The following ZSCAN32 variants were observed in gnomAD, a reference collection of about 807,000 sequenced individuals.
ZSCAN32 encodes zinc finger and SCAN domain-containing protein 32.
In ZSCAN32, 52 loss-of-function variants were observed where a neutral mutation model predicts 47.4. The observed-to-expected ratio is 1.10, with a 90% CI of 0.88 to 1.38. The LOEUF is 1.38. Among genes scored for constraint, ZSCAN32 ranks in the 40% most tolerant of loss-of-function variants. ZSCAN32 has a pLI of 0.00. For missense variants in ZSCAN32, 959 were observed against 846.0 expected (o/e 1.13, Z -1.66); for synonymous variants, 346 against 305.7 (o/e 1.13, Z -1.38).
At chr16:3,395,011 T>C (rs2033232618) in intron 2 of ZSCAN32, among the ~76,000 whole-genome samples, 1 of 152,208 alleles carries the variant, frequency 6.6e-6, no homozygotes, top group Non-Finnish European at 1.5e-5. Flanking sequence ...ATCTTTATGG[T>C]TTACTTTTGA....
chr16:3,383,808 A>C, intron 6 of ZSCAN32, 97 bp from the exon 7 acceptor site: 2 of 1,250,528 alleles, frequency 1.6e-6, no homozygotes, highest in Non-Finnish European at 2.1e-6. Flanking sequence ...GAAATATCTA[A>C]TTGAAATTCT....
At chr16:3,388,824 G>A (rs1009336653) in intron 5 of ZSCAN32, among the ~76,000 whole-genome samples, 1 of 152,156 alleles carries the variant, frequency 6.6e-6, no homozygotes, top group Admixed American at 6.6e-5. Context: ...ATGAAGACTG[G>A]TGTCTGCAAA....
chr16:3,400,381 C>T (rs1225123103), intron 1 of ZSCAN32, among the ~76,000 whole-genome samples: 1 of 152,160 alleles, frequency 6.6e-6, no homozygotes, highest in Non-Finnish European at 1.5e-5. Context: ...TCATCCTGTG[C>T]CTTACCTGGC....
Position 3,397,668 on chromosome 16 carries a change from T to A in ZSCAN32, c.-111A>T. On this transcript the variant is annotated 5_prime_UTR_variant, in exon 2 of 7. Transcript: ENST00000396852. ...TTCTCCTGCAAGGAATGTCTTTCTG[T>A]AATCCGTGGGACATGAGAGTGTCAG... 1 of 1,374,008 alleles carries A rather than the reference T, an allele frequency of 7.3e-7. No individual in the cohort carries two copies. Among genetic ancestry groups the A allele is most frequent in the Non-Finnish European group, 9.6e-7 (1 of 1,040,744 alleles). 85.1% of individuals were successfully genotyped at this position (1,374,008 alleles called of 1,614,324 possible). A position where few individuals can be genotyped will look rare whatever the true frequency, so the allele number is the denominator to read the frequency against.
chr16:3,388,750 A>G (rs1368163277), intron 5 of ZSCAN32, among the ~76,000 whole-genome samples: 1 of 152,228 alleles, frequency 6.6e-6, no homozygotes, highest in Non-Finnish European at 1.5e-5. Flanking sequence ...CTAATGTTGT[A>G]GCAGTTAAAA....
In ZSCAN32 at chr16:3,397,438, G is replaced by A. The variant is rs1355423090; in HGVS notation, c.120C>T (p.Phe40=). The A allele has an allele frequency of 1.3e-6, 2 of 1,551,276 alleles. No individual in the cohort carries two copies. Among genetic ancestry groups the A allele is most frequent in the Non-Finnish European group, 1.7e-6 (2 of 1,147,480 alleles). Residue 40 remains phenylalanine (F), a synonymous_variant, in exon 2 of 7, where the codon TTC becomes TTT. Transcript: ENST00000396852. ...SPDSEASRQR[F]RQFCYQEVTG... ...TTACCTCCTGGTAGCAAAACTGCCTGAAGCGCTGACGGGAGGCCTCGGAGT... is the reference window on the plus strand; with the variant it reads ...TTACCTCCTGGTAGCAAAACTGCCTAAAGCGCTGACGGGAGGCCTCGGAGT...
chr16:3,399,808 G>A (rs935015974), intron 1 of ZSCAN32, among the ~76,000 whole-genome samples: 2 of 152,140 alleles, frequency 1.3e-5, no homozygotes, highest in South Asian at 2.1e-4. Flanking sequence ...GTTTCACTAT[G>A]TTGCCCAGGC....
rs1567321667 is a variant in ZSCAN32 at position 3,393,825 on chromosome 16, A to AC, written c.367-12dup. ...CTCAGAATCTAGAACCTGAGAACAG[A>AC]CCCCATTATCTATCACTACAAATTC... On this transcript the variant is annotated splice_polypyrimidine_tract_variant and intron_variant, in intron 2 of 6. Transcript: ENST00000396852. 6.5e-7 allele frequency: 1 copy of AC among 1,534,930 alleles called. No individual in the cohort carries two copies. Among genetic ancestry groups the AC allele is most frequent in the Non-Finnish European group, 8.8e-7 (1 of 1,135,988 alleles).
chr16:3,397,836 C>CG, intron 1 of ZSCAN32, 92 bp from the exon 2 acceptor site: 1 of 296,230 alleles, frequency 3.4e-6, no homozygotes, highest in Non-Finnish European at 6.2e-6. Context: ...CCTTTACTCC[C>CG]TCCACAAATC....
chr16:3,387,999 A>G (rs999292313), intron 5 of ZSCAN32, among the ~76,000 whole-genome samples: 1 of 152,242 alleles, frequency 6.6e-6, no homozygotes, highest in Non-Finnish European at 1.5e-5. Flanking sequence ...TCAGAAGAAA[A>G]AAGTCCTTCA....
chr16:3,390,893 A>C (rs1596464397), intron 3 of ZSCAN32, among the ~76,000 whole-genome samples: 1 of 152,180 alleles, frequency 6.6e-6, no homozygotes. Flanking sequence ...CGTAGTGGGC[A>C]AACAAAAATC....
At chr16:3,391,830 C>G (rs2032739835) in intron 3 of ZSCAN32, among the ~76,000 whole-genome samples, 1 of 152,134 alleles carries the variant, frequency 6.6e-6, no homozygotes, top group South Asian at 2.1e-4. Flanking sequence ...CTTTGGGAGG[C>G]TGAGGCAGGA....
At chr16:3,386,275 A>C (rs1188510782) in intron 5 of ZSCAN32, among the ~76,000 whole-genome samples, 1 of 152,210 alleles carries the variant, frequency 6.6e-6, no homozygotes, top group East Asian at 1.9e-4. Flanking sequence ...GGCAATCATT[A>C]AAAAGTCAGG....
chr16:3,387,010 G>A (rs2032089647), intron 5 of ZSCAN32, among the ~76,000 whole-genome samples: 1 of 151,090 alleles, frequency 6.6e-6, no homozygotes, highest in South Asian at 2.1e-4. Flanking sequence ...TTATTTCTAG[G>A]AAGAAATCTC....
intron 5 of ZSCAN32, among the ~76,000 whole-genome samples, chr16:3,388,368 A>T (rs1237084731): frequency 7.9e-5 from 12 of 152,192 alleles, no homozygotes; most frequent in African/African-American, 2.9e-4. Context: ...TCATTTTCTC[A>T]GTGAGGGCGA....
chr16:3,382,864 T>C lies in ZSCAN32; in HGVS notation c.2082A>G (p.Arg694=), dbSNP rs759378283. 4 of 1,563,360 alleles carry C rather than the reference T, an allele frequency of 2.6e-6. No homozygotes were observed. The South Asian group carries it at 4.7e-5, about 18-fold the overall frequency. ...TTTACCGACACACTCATAACGCATC[T>C]CTTCCTTCCTGTGATGAGAGTACTG... ...MKAVLSSQEG[R]DAL Residue 694 remains arginine, a synonymous_variant, in exon 7 of 7, where the codon AGA becomes AGG. Coordinates refer to ENST00000396852, the MANE Select transcript of ZSCAN32 (RefSeq NM_001284527.2).
rs140899179 is a variant in ZSCAN32, at chr16:3,390,927, G to C, written c.533-410C>G. Among the ~76,000 whole-genome samples, 49 of 152,138 alleles carry C rather than the reference G, an allele frequency of 3.2e-4. No individual in the cohort carries two copies. The East Asian group carries it at 9.3e-3, about 29-fold the overall frequency. ...TCTCTCCATAGCCCTGCCACCCAAAGATAACCAGAGTACTCTTTAAAATAC... is the reference window on the plus strand; with the variant it reads ...TCTCTCCATAGCCCTGCCACCCAAACATAACCAGAGTACTCTTTAAAATAC... On this transcript the variant is annotated intron_variant, in intron 3 of 6. Coordinates refer to ENST00000396852, the MANE Select transcript of ZSCAN32 (RefSeq NM_001284527.2).
Position 3,383,036 on chromosome 16 carries a change from A to G in ZSCAN32, c.1910T>C (p.Val637Ala), listed in dbSNP as rs1486360065. ...GCTATTGTTGAAGATTTTCCCACAC[A>G]CTGCACACTTGTATGGGCTCTCCCC... ...HTGESPYKCA[V>A]CGKIFNNSSH... Residue 637 changes from valine to alanine, a missense_variant, in exon 7 of 7, where the codon GTG becomes GCG. Physicochemically the swap from Val to Ala is moderately conservative, Grantham distance 64. Coordinates refer to ENST00000396852, the MANE Select transcript of ZSCAN32 (RefSeq NM_001284527.2). 2 of 1,613,946 alleles carry G rather than the reference A, an allele frequency of 1.2e-6. No individual in the cohort carries two copies. Among genetic ancestry groups the G allele is most frequent in the Non-Finnish European group, 1.7e-6 (2 of 1,179,994 alleles).
At position 3,382,697 on chromosome 16, in the gene ZSCAN32, G is replaced by C; in HGVS notation, c.*155C>G. The C allele has an allele frequency of 8.2e-7, 1 of 1,213,886 alleles. No homozygotes were observed. Among genetic ancestry groups the C allele is most frequent in the Non-Finnish European group, 1.1e-6 (1 of 902,782 alleles). The allele number at this position is 1,213,886 out of a possible 1,614,324, so 75.2% of individuals were successfully genotyped here. A position where few individuals can be genotyped will look rare whatever the true frequency, so the allele number is the denominator to read the frequency against. On this transcript the variant is annotated 3_prime_UTR_variant, in exon 7 of 7. Coordinates refer to ENST00000396852, the MANE Select transcript of ZSCAN32 (RefSeq NM_001284527.2). ...ACAGGCACAGCCAGGAGAGGTCAGC[G>C]TCCTTATGCTGACTCCTGGTCCTAG...
Sources: gnomAD v4.1 joint callset for allele counts (sites outside exome capture counted in the v4.1 genomes callset) on GRCh38, gnomAD v4.1.1 for gene constraint, MANE v1.5 for transcripts, NCBI Gene and HGNC (gene_info 2026-07-23, HGNC 2026-07-21) for gene names.